The following SUMF1 variants were observed in gnomAD, a reference collection of about 807,000 sequenced individuals.
SUMF1 encodes sulfatase modifying factor 1.
In SUMF1, 48 loss-of-function variants were observed where a neutral mutation model predicts 47.6. The observed-to-expected ratio is 1.01, with a 90% CI of 0.80 to 1.28. The LOEUF is 1.28. Ranked by LOEUF, SUMF1 falls within the 50% of genes most tolerant of loss-of-function variation. SUMF1 has a pLI of 0.00. For missense variants in SUMF1, 571 were observed against 485.4 expected, an observed-to-expected ratio of 1.18 and a Z score of -1.66; for synonymous variants, 230 against 192.1, an observed-to-expected ratio of 1.20 and a Z score of -1.63.
At chr3:4,300,194 G>A (rs536119360) in intron 8 of SUMF1, among the ~76,000 whole-genome samples, 1 of 152,218 alleles carries the variant, frequency 6.6e-6, no homozygotes, top group South Asian at 2.1e-4. Context: ...AAGTGTGTGT[G>A]GCACCTGCCC....
In SUMF1 at chr3:4,361,955, C is replaced by CTT. The variant is rs1699773295; in HGVS notation, c.*188_*189insAA. 1 of 602,222 alleles carries CTT rather than the reference C, an allele frequency of 1.7e-6. No homozygotes were observed. The highest frequency in any genetic ancestry group is 3.0e-6 in the Non-Finnish European group (1 of 334,728). The allele number at this position is 602,222 out of a possible 1,614,324, so 37.3% of individuals were successfully genotyped here. On this transcript the variant is annotated 3_prime_UTR_variant, in exon 9 of 9. Transcript: ENST00000272902. ...TGATGATCTCCAAAGATGCACCACA[C>CTT]CATAAAGCACATGCACTGACCCAGG...
intron 8 of SUMF1, among the ~76,000 whole-genome samples, chr3:4,338,951 C>A (rs547334196): frequency 2.0e-5 from 3 of 152,088 alleles, no homozygotes; most frequent in Non-Finnish European, 4.4e-5. Flanking sequence ...CTCACCAGAG[C>A]CTCGCCAGTG....
At chr3:4,050,149 A>G (rs76141194) in intron 9 of SUMF1, among the ~76,000 whole-genome samples, 6,318 of 151,946 alleles carry the variant, frequency 0.042, 465 homozygotes, top group African/African-American at 0.14. Context: ...TTTGGGCATG[A>G]AAACAGGAAT....
At chr3:4,084,890 C>G (rs752525389) in intron 8 of SUMF1, among the ~76,000 whole-genome samples, 3 of 152,138 alleles carry the variant, frequency 2.0e-5, no homozygotes, top group Non-Finnish European at 4.4e-5. Context: ...AATTTTACGT[C>G]TTTCCCAGTT....
intron 3 of SUMF1, among the ~76,000 whole-genome samples, chr3:4,424,392 A>C (rs1422239334): frequency 6.6e-6 from 1 of 152,294 alleles, no homozygotes; most frequent in South Asian, 2.1e-4. Flanking sequence ...CTATATGATG[A>C]TCACCAATCT....
chr3:4,283,365 A>G (rs1442172515), intron 8 of SUMF1, among the ~76,000 whole-genome samples: 9 of 152,202 alleles, frequency 5.9e-5, no homozygotes. Flanking sequence ...AGTCTGTGGG[A>G]TAAACTTAGG....
At chr3:4,227,899 C>G (rs1288119240) in intron 8 of SUMF1, among the ~76,000 whole-genome samples, 1 of 152,072 alleles carries the variant, frequency 6.6e-6, no homozygotes, top group East Asian at 1.9e-4. Flanking sequence ...ATTATGAATA[C>G]AGAGACCTAA....
At chr3:4,420,996 A>G (rs915260135) in intron 3 of SUMF1, among the ~76,000 whole-genome samples, 7 of 152,206 alleles carry the variant, frequency 4.6e-5, no homozygotes, top group African/African-American at 1.7e-4. Flanking sequence ...GAGCACACCC[A>G]CCTGCCTCAC....
At chr3:4,245,697 A>G (rs2125002466) in intron 8 of SUMF1, among the ~76,000 whole-genome samples, 1 of 152,296 alleles carries the variant, frequency 6.6e-6, no homozygotes, top group East Asian at 1.9e-4. Context: ...CGCAAGGGTC[A>G]GGGACCCACT....
chr3:4,179,501 G>C (rs1215851883), intron 8 of SUMF1, among the ~76,000 whole-genome samples: 1 of 152,084 alleles, frequency 6.6e-6, no homozygotes, highest in Non-Finnish European at 1.5e-5. Flanking sequence ...AGCTGAAACT[G>C]GATCCCTTCC....
chr3:4,080,705 C>A (rs1455011401), intron 8 of SUMF1, among the ~76,000 whole-genome samples: 2 of 151,962 alleles, frequency 1.3e-5, no homozygotes, highest in Non-Finnish European at 2.9e-5. Context: ...TAAAAGAATA[C>A]AATATAAAAC....
chr3:4,325,630 C>CAT (rs944316115), intron 8 of SUMF1, among the ~76,000 whole-genome samples: 2 of 150,522 alleles, frequency 1.3e-5, no homozygotes, highest in Non-Finnish European at 3.0e-5. Context: ...CACACACACA[C>CAT]ATATATGCAT....
chr3:4,064,552 TCTTTA>T (rs764151946), intron 9 of SUMF1, among the ~76,000 whole-genome samples: 6 of 152,154 alleles, frequency 3.9e-5, no homozygotes, highest in Non-Finnish European at 7.4e-5. Context: ...TTCTTTTGTT[TCTTTA>T]CTTGTCTAAT....
chr3:4,220,715 A>G (rs1696042475), intron 8 of SUMF1, among the ~76,000 whole-genome samples: 1 of 152,070 alleles, frequency 6.6e-6, no homozygotes, highest in South Asian at 2.1e-4. Context: ...TTGCTATAGG[A>G]CCTTGAGTAA....
intron 8 of SUMF1, among the ~76,000 whole-genome samples, chr3:4,227,910 T>C (rs1337317786): frequency 6.6e-6 from 1 of 152,108 alleles, no homozygotes; most frequent in Non-Finnish European, 1.5e-5. Flanking sequence ...AGAGACCTAA[T>C]TTATATTTGA....
At chr3:4,412,392 T>C (rs574403256) in intron 6 of SUMF1, among the ~76,000 whole-genome samples, 64 of 152,072 alleles carry the variant, frequency 4.2e-4, no homozygotes, top group Non-Finnish European at 8.1e-4. Context: ...AAAAGTAGAG[T>C]TGTCTGGGCA....
chr3:4,342,268 C>T (rs1699287110), intron 8 of SUMF1, among the ~76,000 whole-genome samples: 1 of 152,204 alleles, frequency 6.6e-6, no homozygotes, highest in Admixed American at 6.5e-5. Flanking sequence ...CGCAGTGGCT[C>T]ACACCTGTAA....
chr3:4,303,856 G>C, intron 8 of SUMF1: 1 of 1,320,010 alleles, frequency 7.6e-7, no homozygotes, highest in Non-Finnish European at 1.0e-6. Context: ...CTGGTCTCAG[G>C]TGTCTCTCAC....
At chr3:4,054,389 A>C (rs970304527) in intron 9 of SUMF1, among the ~76,000 whole-genome samples, 1 of 152,168 alleles carries the variant, frequency 6.6e-6, no homozygotes, top group Non-Finnish European at 1.5e-5. Context: ...TAAAAATAAA[A>C]ATGAAAACCT....
Sources: allele counts gnomAD v4.1 joint callset (sites outside exome capture counted in the v4.1 genomes callset), GRCh38; gene constraint gnomAD v4.1.1; transcripts MANE v1.5; gene names NCBI Gene and HGNC (gene_info 2026-07-23, HGNC 2026-07-21).